PAK3: variants seen among roughly 807,000 people sequenced by gnomAD.
The protein encoded by PAK3 is p21 (RAC1) activated kinase 3, also known as serine/threonine-protein kinase PAK 3.
Under a neutral mutation model 41.0 loss-of-function variants are expected in PAK3, and 4 were observed. The observed-to-expected ratio is 0.10, with a 90% CI of 0.05 to 0.22. The LOEUF (loss-of-function observed/expected upper bound fraction) is 0.22. Ranked by LOEUF, PAK3 falls within the 10% of genes least tolerant of loss-of-function variation. The pLI is 1.00. For synonymous variants in PAK3, 146 were observed against 139.6 expected (o/e 1.05, Z -0.32); for missense variants, 205 against 409.9 (o/e 0.50, Z 4.32).
At chrX:111,123,521 A>G (rs1260819385) in intron 5 of PAK3, among the ~76,000 whole-genome samples, 1 of 112,591 alleles carries the variant, frequency 8.9e-6, no homozygotes, top group African/African-American at 3.2e-5. Flanking sequence ...TGTTAAGCCA[A>G]GGGTAATCAT....
At chrX:111,164,899 G>C (rs2094236230) in intron 10 of PAK3, among the ~76,000 whole-genome samples, 1 of 111,555 alleles carries the variant, frequency 9.0e-6, no homozygotes, top group Admixed American at 9.5e-5. Flanking sequence ...CCTCAGAAAA[G>C]GAAGACAGTA....
chrX:111,037,557 G>A (rs1025722314), intron 1 of PAK3, among the ~76,000 whole-genome samples: 4 of 111,430 alleles, frequency 3.6e-5, no homozygotes, highest in East Asian at 2.8e-4. Flanking sequence ...GAGACTCAGC[G>A]TAACCCTGGC....
chrX:111,126,007 A>G (rs1264976035), intron 5 of PAK3, among the ~76,000 whole-genome samples: 1 of 111,741 alleles, frequency 8.9e-6, no homozygotes, highest in Non-Finnish European at 1.9e-5. Context: ...GCTTGATAGA[A>G]ATAAAGCCTC....
At chrX:111,207,289 G>A (rs1041197955) in intron 16 of PAK3, among the ~76,000 whole-genome samples, 10 of 110,252 alleles carry the variant, frequency 9.1e-5, no homozygotes, top group African/African-American at 3.0e-4. Flanking sequence ...ATCCACGGGT[G>A]TGAAATCCAT....
At chrX:111,000,647 T>A (rs1467317252) in intron 1 of PAK3, among the ~76,000 whole-genome samples, 1 of 112,242 alleles carries the variant, frequency 8.9e-6, no homozygotes, top group Non-Finnish European at 1.9e-5. Flanking sequence ...TTTCCTGGTT[T>A]CAATAATCTT....
At chrX:111,036,651 C>T (rs2148761881) in intron 1 of PAK3, among the ~76,000 whole-genome samples, 1 of 112,063 alleles carries the variant, frequency 8.9e-6, no homozygotes, top group Admixed American at 9.4e-5. Flanking sequence ...TGGGTGGGCA[C>T]ACAGAGCCAA....
At chrX:111,013,581 C>G (rs1279733207) in intron 1 of PAK3, among the ~76,000 whole-genome samples, 1 of 111,384 alleles carries the variant, frequency 9.0e-6, no homozygotes, top group Non-Finnish European at 1.9e-5. Context: ...CCCTGTAGCT[C>G]CTATTCTGAA....
chrX:111,226,267 C>T lies in PAK3; in HGVS notation c.*5820C>T, dbSNP rs1356344329. 11 of 111,303 alleles carry T rather than the reference C, an allele frequency of 9.9e-5. No individual in the cohort carries two copies. Among genetic ancestry groups the T allele is most frequent in the African/African-American group, 2.9e-4 (9 of 30,663 alleles). The allele number at this position is 111,303 out of a possible 1,213,427, so 9.2% of individuals were successfully genotyped here. A position where few individuals can be genotyped will look rare whatever the true frequency, so the allele number is the denominator to read the frequency against. On this transcript the variant is annotated 3_prime_UTR_variant, in exon 18 of 18. Coordinates refer to ENST00000372007, the MANE Select transcript of PAK3 (RefSeq NM_002578.5). ...CCTTCCAATTCATTTACAGTTGTTT[C>T]GTTTTGTTTTTGTTTTAATGTCCAT...
chrX:111,163,514 C>G (rs778043111), intron 9 of PAK3, 48 bp from the exon 10 acceptor site: 2 of 949,377 alleles, frequency 2.1e-6, no homozygotes, highest in Non-Finnish European at 3.0e-6. Flanking sequence ...ACTCCACACT[C>G]TTTCCTTGGC....
chrX:111,075,853 A>G (rs1036084782), intron 1 of PAK3, among the ~76,000 whole-genome samples: 2 of 112,780 alleles, frequency 1.8e-5, no homozygotes, highest in Admixed American at 1.9e-4. Context: ...AAACTGCCCA[A>G]AACCTTGGGA....
At chrX:111,081,370 C>T (rs1193008232) in intron 1 of PAK3, among the ~76,000 whole-genome samples, 1 of 110,598 alleles carries the variant, frequency 9.0e-6, no homozygotes, top group Non-Finnish European at 1.9e-5. Flanking sequence ...ATTCACCAGG[C>T]GTGGTGGCAC....
intron 1 of PAK3, among the ~76,000 whole-genome samples, chrX:111,013,262 A>G (rs765820960): frequency 8.9e-6 from 1 of 112,382 alleles, no homozygotes; most frequent in Admixed American, 9.4e-5. Flanking sequence ...TCATTTGACA[A>G]CAGAGATAAT....
intron 1 of PAK3, among the ~76,000 whole-genome samples, chrX:111,062,601 C>T (rs1445537109): frequency 9.0e-6 from 1 of 111,419 alleles, no homozygotes; most frequent in Non-Finnish European, 1.9e-5. Flanking sequence ...ACCATACAAC[C>T]TCAGGCTTAC....
intron 8 of PAK3, among the ~76,000 whole-genome samples, chrX:111,157,183 G>C (rs1255571151): frequency 9.0e-6 from 1 of 111,582 alleles, no homozygotes; most frequent in Admixed American, 9.5e-5. Context: ...TAGATCTGGA[G>C]TAGAAACCTA....
intron 1 of PAK3, among the ~76,000 whole-genome samples, chrX:110,978,680 T>TTTTC (rs371147562): frequency 3.6e-5 from 4 of 109,728 alleles, no homozygotes; most frequent in Non-Finnish European, 7.6e-5. Context: ...CTTCTTTCTT[T>TTTTC]TTTCTTTCTT....
chrX:111,159,025 A>C (rs1322316698), intron 8 of PAK3, among the ~76,000 whole-genome samples: 4 of 111,737 alleles, frequency 3.6e-5, no homozygotes, highest in Non-Finnish European at 5.7e-5. Flanking sequence ...TGTAGAGGTC[A>C]CATCATGCAT....
intron 1 of PAK3, among the ~76,000 whole-genome samples, chrX:111,084,726 C>G (rs745702847): frequency 8.9e-6 from 1 of 112,331 alleles, no homozygotes; most frequent in Admixed American, 9.4e-5. Context: ...CATTGTCTGA[C>G]AGCTGAGTCA....
intron 1 of PAK3, among the ~76,000 whole-genome samples, chrX:110,963,361 T>G (rs866652048): frequency 1.2e-4 from 13 of 112,161 alleles, no homozygotes; most frequent in Admixed American, 3.8e-4. Flanking sequence ...GCAGCTTAGT[T>G]GCCCTCATTT....
At chrX:111,116,136 G>A (rs2093459794) in intron 4 of PAK3, among the ~76,000 whole-genome samples, 2 of 110,588 alleles carry the variant, frequency 1.8e-5, no homozygotes, top group Non-Finnish European at 3.8e-5. Flanking sequence ...TGCTTGCTTG[G>A]GATGTTAATC....
Sources: allele counts gnomAD v4.1 joint callset (sites outside exome capture counted in the v4.1 genomes callset), GRCh38; gene constraint gnomAD v4.1.1; transcripts MANE v1.5; gene names NCBI Gene and HGNC (gene_info 2026-07-23, HGNC 2026-07-21).